Variants in GRAMD1B observed in about 807,000 individuals in gnomAD.
The protein encoded by GRAMD1B is protein Aster-B.
A neutral mutation model predicts 99.7 loss-of-function variants in GRAMD1B; 37 were observed. That is an observed-to-expected ratio of 0.37 (90% confidence interval 0.29 to 0.49). The LOEUF (loss-of-function observed/expected upper bound fraction) is 0.49. GRAMD1B is among the 20% of genes least tolerant of loss of function. GRAMD1B has a pLI of 0.98. For missense variants in GRAMD1B, 888 were observed against 1,009.2 expected, an observed-to-expected ratio of 0.88 and a Z score of 1.63; for synonymous variants, 427 against 387.6, an observed-to-expected ratio of 1.10 and a Z score of -1.19.
chr11:123,453,127 A>G (rs1432627756), intron 1 of GRAMD1B, among the ~76,000 whole-genome samples: 1 of 152,158 alleles, frequency 6.6e-6, no homozygotes, highest in Non-Finnish European at 1.5e-5. Flanking sequence ...GATCAGTTCA[A>G]CAGTATCCTT....
intron 2 of GRAMD1B, among the ~76,000 whole-genome samples, chr11:123,565,225 G>A (rs1024604264): frequency 2.7e-5 from 4 of 149,132 alleles, no homozygotes; most frequent in Non-Finnish European, 3.0e-5. Context: ...TTTTTTTAGG[G>A]ATGAGGTCTT....
At chr11:123,594,572 G>A (rs1484262469) in intron 5 of GRAMD1B, among the ~76,000 whole-genome samples, 163 bp from the exon 6 acceptor site, 1 of 152,190 alleles carries the variant, frequency 6.6e-6, no homozygotes, top group Non-Finnish European at 1.5e-5. Context: ...TCATGAGATG[G>A]TAGGGACTTC....
chr11:123,382,260 G>A (rs1946903861), intron 1 of GRAMD1B, among the ~76,000 whole-genome samples: 1 of 152,018 alleles, frequency 6.6e-6, no homozygotes. Flanking sequence ...GGATTGGGTG[G>A]CCTCCCTTTC....
intron 1 of GRAMD1B, among the ~76,000 whole-genome samples, chr11:123,399,952 G>A (rs999208030): frequency 2.0e-5 from 3 of 152,130 alleles, no homozygotes; most frequent in Admixed American, 6.6e-5. Flanking sequence ...CTTGTGTGAG[G>A]TAATATCTCA....
At chr11:123,444,482 A>T (rs1163961244) in intron 1 of GRAMD1B, among the ~76,000 whole-genome samples, 2 of 152,134 alleles carry the variant, frequency 1.3e-5, no homozygotes. Flanking sequence ...TCAAAAAAAA[A>T]AAATTCTGTT....
intron 1 of GRAMD1B, among the ~76,000 whole-genome samples, chr11:123,462,260 C>T (rs1950463009): frequency 6.6e-6 from 1 of 152,144 alleles, no homozygotes; most frequent in African/African-American, 2.4e-5. Context: ...AGCCACCGTG[C>T]CGGGCCAGTC....
Position 123,594,915 on chromosome 11 carries a change from G to A in GRAMD1B, c.873+77G>A, listed in dbSNP as rs1951087049. ...AAGCTGCCCTCGCTTTCTTCCTTTT[G>A]CTGACTTCATGCTCTTCCCAAGCCT... is the stretch of plus-strand genomic sequence containing the variant. On this transcript the variant is annotated intron_variant, in intron 6 of 19. Coordinates refer to ENST00000635736, the MANE Select transcript of GRAMD1B (RefSeq NM_001387025.1). 8.9e-6 allele frequency: 7 copies of A among 789,458 alleles called. No individual in the cohort carries two copies. The East Asian group carries it at 1.7e-4, about 19-fold the overall frequency. The allele number at this position is 789,458 out of a possible 1,614,324, so 48.9% of individuals were successfully genotyped here.
chr11:123,414,930 G>A (rs1434555541), intron 1 of GRAMD1B, among the ~76,000 whole-genome samples: 2 of 152,082 alleles, frequency 1.3e-5, no homozygotes, highest in Non-Finnish European at 2.9e-5. Flanking sequence ...CTCTCTTTCA[G>A]AAGATATTCT....
At chr11:123,486,431 C>T (rs543317528) in intron 2 of GRAMD1B, among the ~76,000 whole-genome samples, 1 of 151,900 alleles carries the variant, frequency 6.6e-6, no homozygotes, top group African/African-American at 2.4e-5. Context: ...CGCCTGTGGT[C>T]CCAGCTACTT....
chr11:123,560,071 C>CCA (rs895397685), intron 2 of GRAMD1B, among the ~76,000 whole-genome samples: 18 of 150,614 alleles, frequency 1.2e-4, no homozygotes, highest in Non-Finnish European at 2.2e-4. Flanking sequence ...AATAACCCCC[C>CCA]CCCCCGCAGC....
chr11:123,602,039 C>T (rs1359755216), intron 8 of GRAMD1B, among the ~76,000 whole-genome samples: 1 of 152,094 alleles, frequency 6.6e-6, no homozygotes, highest in Non-Finnish European at 1.5e-5. Context: ...GAATGTTGTC[C>T]CAGGCAGGGT....
chr11:123,466,688 C>T (rs928442052), intron 1 of GRAMD1B, among the ~76,000 whole-genome samples: 3 of 152,042 alleles, frequency 2.0e-5, no homozygotes, highest in South Asian at 2.1e-4. Context: ...GGGGATGGTG[C>T]GTGTGTGGAG....
intron 9 of GRAMD1B, 128 bp downstream of exon 9, chr11:123,603,669 A>C (rs1952295790): frequency 4.4e-6 from 3 of 686,642 alleles, no homozygotes; most frequent in Admixed American, 4.4e-5. Flanking sequence ...GAAGGAGGGA[A>C]AGTGGTCACA....
At chr11:123,598,941 A>C (rs930719544) in intron 7 of GRAMD1B, 2 of 1,101,792 alleles carry the variant, frequency 1.8e-6, no homozygotes, top group African/African-American at 3.1e-5. Flanking sequence ...AGGAATGTCA[A>C]ATAATTGGTC....
intron 1 of GRAMD1B, among the ~76,000 whole-genome samples, chr11:123,456,447 A>G (rs548222214): frequency 6.6e-6 from 1 of 152,174 alleles, no homozygotes; most frequent in Non-Finnish European, 1.5e-5. Context: ...CTTGTCATTT[A>G]CCTTCTTTGG....
rs1592170342 is a variant in GRAMD1B at position 123,591,786 on chromosome 11, A to G, written c.685-2296A>G. Among the ~76,000 whole-genome samples the G allele has an allele frequency of 1.3e-5, 2 of 152,320 alleles. No individual in the cohort carries two copies. Among genetic ancestry groups the G allele is most frequent in the Non-Finnish European group, 2.9e-5 (2 of 68,022 alleles). ...AGCATGCCCAACTGATGAGCCTGCC[A>G]TGCACACAACAGCCTTGTGGAATAG... is the stretch of plus-strand genomic sequence containing the variant. On this transcript the variant is annotated intron_variant, in intron 4 of 19. Coordinates refer to ENST00000635736, the MANE Select transcript of GRAMD1B (RefSeq NM_001387025.1). This position sits in a 1 kb window ranked among gnomAD's most constrained non-coding sequence, Gnocchi z 4.7.
At chr11:123,410,176 C>G (rs1242784056) in intron 1 of GRAMD1B, among the ~76,000 whole-genome samples, 1 of 149,702 alleles carries the variant, frequency 6.7e-6, no homozygotes, top group African/African-American at 2.5e-5. Context: ...GATTTTGGGA[C>G]AAGAAAAAAG....
In GRAMD1B at chr11:123,608,939, C is replaced by T. The variant is rs1953131135; in HGVS notation, c.1657+137C>T. 3 of 663,024 alleles carry T rather than the reference C, an allele frequency of 4.5e-6. No homozygotes were observed. The South Asian group carries it at 5.9e-5, about 13-fold the overall frequency. 41.1% of individuals were successfully genotyped at this position (663,024 alleles called of 1,614,324 possible). On this transcript the variant is annotated intron_variant, in intron 12 of 19. Transcript: ENST00000635736. ...CCTCGGCCACCTCAGGGCCCAGACA[C>T]CCTCTCTCCAGCCTTCTGTGGTTCG...
chr11:123,533,368 A>G (rs1244442438), intron 2 of GRAMD1B, among the ~76,000 whole-genome samples: 1 of 152,168 alleles, frequency 6.6e-6, no homozygotes, highest in Non-Finnish European at 1.5e-5. Flanking sequence ...GATGATAAGG[A>G]TACTAATAAT....
Sources: gnomAD v4.1 joint callset for allele counts (sites outside exome capture counted in the v4.1 genomes callset) on GRCh38, gnomAD v4.1.1 for gene constraint, Gnocchi (gnomAD v3.1) non-coding constraint, MANE v1.5 for transcripts, NCBI Gene and HGNC (gene_info 2026-07-23, HGNC 2026-07-21) for gene names.